The following TECPR2 variants were observed in gnomAD, a reference collection of about 807,000 sequenced individuals.
TECPR2 encodes tectonin beta-propeller repeat-containing protein 2.
A neutral mutation model predicts 138.1 loss-of-function variants in TECPR2; 65 were observed. The ratio of observed to expected loss-of-function variants is 0.47; its 90% CI spans 0.39 to 0.58. The LOEUF (loss-of-function observed/expected upper bound fraction) is 0.58. Among genes scored for constraint, TECPR2 ranks in the 20% least tolerant of loss-of-function variants. The pLI is 0.00. For synonymous variants in TECPR2, 746 were observed against 749.8 expected, an observed-to-expected ratio of 0.99 and a Z score of 0.08; for missense variants, 1,553 against 1,824.5, an observed-to-expected ratio of 0.85 and a Z score of 2.71.
chr14:102,486,123 A>C (rs1459521910), intron 17 of TECPR2, among the ~76,000 whole-genome samples: 1 of 152,104 alleles, frequency 6.6e-6, no homozygotes, highest in African/African-American at 2.4e-5. Context: ...CACACCTCAG[A>C]CCAGATGTAG....
At chr14:102,394,192 CCAAG>C (rs1228262990) in intron 2 of TECPR2, among the ~76,000 whole-genome samples, 2 of 152,148 alleles carry the variant, frequency 1.3e-5, no homozygotes, top group African/African-American at 2.4e-5. Flanking sequence ...TCCTCTATCG[CCAAG>C]TCCTTTGGGT....
At chr14:102,436,985 G>C in intron 9 of TECPR2, 1 of 985,414 alleles carries the variant, frequency 1.0e-6, no homozygotes, top group South Asian at 4.7e-5. Flanking sequence ...CTGGCCCTTT[G>C]AGCCCCTGAC....
At chr14:102,422,319 C>T (rs968686235) in intron 5 of TECPR2, among the ~76,000 whole-genome samples, 13 of 152,166 alleles carry the variant, frequency 8.5e-5, no homozygotes, top group Admixed American at 1.3e-4. Flanking sequence ...TTGGAAACTG[C>T]GACATTAGCA....
intron 2 of TECPR2, among the ~76,000 whole-genome samples, chr14:102,406,330 C>T (rs182057202): frequency 6.0e-4 from 92 of 152,080 alleles, no homozygotes; most frequent in Middle Eastern, 6.8e-3. Context: ...GGGCAGATCA[C>T]GAGGTCAGGA....
chr14:102,363,194 C>A (rs1887229749), intron 1 of TECPR2, 78 bp downstream of exon 1: 3 of 285,574 alleles, frequency 1.1e-5, no homozygotes, highest in Non-Finnish European at 1.3e-5. Context: ...TCCTCGGCCT[C>A]CCCCGGGCCA....
In TECPR2 at chr14:102,376,815, C is replaced by T. The variant is rs762041939; in HGVS notation, c.94C>T (p.Arg32Cys). The T allele has an allele frequency of 6.8e-6, 11 of 1,614,052 alleles. No homozygotes were observed. Among genetic ancestry groups the T allele is most frequent in the African/African-American group, 6.7e-5 (5 of 74,914 alleles). The change falls in exon 2 of 20, where the codon CGC becomes TGC. Residue 32 changes from arginine (R) to cysteine (C), a missense_variant. Transcript: ENST00000359520. Reference protein sequence around the residue: ...AIPTKIQKGFRSIVVYLTALD... With the variant: ...AIPTKIQKGFCSIVVYLTALD... ...TCCGACAAAGATCCAGAAGGGTTTC[C>T]GCTCTATCGTGGTCTATCTCACGGC...
chr14:102,438,232 C>G, intron 10 of TECPR2, 27 bp downstream of exon 10: 1 of 1,581,882 alleles, frequency 6.3e-7, no homozygotes, highest in Non-Finnish European at 8.5e-7. Context: ...CCTGCTCCCG[C>G]TCCCTGCTCC....
Position 102,432,006 on chromosome 14 carries a change from A to C in TECPR2, c.1295A>C (p.Glu432Ala), listed in dbSNP as rs1889507936. The change falls in exon 8 of 20, where the codon GAG becomes GCG. Residue 432 changes from glutamate (E) to alanine (A), a missense_variant. Physicochemically the swap from Glu to Ala is moderately radical, Grantham distance 107. Coordinates refer to ENST00000359520, the MANE Select transcript of TECPR2 (RefSeq NM_014844.5). The part of the protein sequence containing the change: ...LLPPGLQATP[E>A]LGKGSQPLSQ... Reference sequence around the variant, plus strand: ...CCCCCTGGGCTCCAGGCCACCCCTGAGCTGGGCAAGGGCAGCCAGCCCCTG... The same window carrying C: ...CCCCCTGGGCTCCAGGCCACCCCTGCGCTGGGCAAGGGCAGCCAGCCCCTG... The C allele has an allele frequency of 1.2e-6, 2 of 1,612,882 alleles. No individual in the cohort carries two copies. The highest frequency in any genetic ancestry group is 1.7e-6 in the Non-Finnish European group (2 of 1,179,926).
chr14:102,443,577 T>C lies in TECPR2; in HGVS notation c.2753-70T>C, dbSNP rs1889891449. The C allele has an allele frequency of 2.2e-6, 3 of 1,349,550 alleles. No homozygotes were observed. The highest frequency in any genetic ancestry group is 2.9e-6 in the Non-Finnish European group (3 of 1,034,030). 83.6% of individuals were successfully genotyped at this position (1,349,550 alleles called of 1,614,324 possible). On this transcript the variant is annotated intron_variant, in intron 11 of 19. Transcript: ENST00000359520. This position sits in a 1 kb window ranked among gnomAD's most constrained non-coding sequence, Gnocchi z 4.9. ...TACCAAAAAAGGAAAAATAAGCCAATAACCAAGTCAAAATGAGGTGTGGAG... is the reference window on the plus strand; with the variant it reads ...TACCAAAAAAGGAAAAATAAGCCAACAACCAAGTCAAAATGAGGTGTGGAG...
At chr14:102,414,472 G>A (rs78816529) in intron 4 of TECPR2, among the ~76,000 whole-genome samples, 164 bp from the exon 5 acceptor site, 6 of 152,336 alleles carry the variant, frequency 3.9e-5, no homozygotes, top group African/African-American at 7.2e-5. Flanking sequence ...AAATAATCTC[G>A]CTATGGTGGG....
At chr14:102,423,387 A>C (rs1309761454) in intron 5 of TECPR2, among the ~76,000 whole-genome samples, 2 of 152,092 alleles carry the variant, frequency 1.3e-5, no homozygotes, top group African/African-American at 4.8e-5. Flanking sequence ...CATTGAGCCC[A>C]GATTGCGCCA....
At chr14:102,410,306 C>T (rs1888793423) in intron 4 of TECPR2, among the ~76,000 whole-genome samples, 1 of 140,216 alleles carries the variant, frequency 7.1e-6, no homozygotes, top group Admixed American at 7.2e-5. Flanking sequence ...CTCAAGTAAT[C>T]AGGGACACAA....
At position 102,428,250 on chromosome 14, in the gene TECPR2, GC is replaced by G; in HGVS notation, c.954del (p.Thr319GlnfsTer24). On this transcript the variant is annotated frameshift_variant and splice_region_variant, in exon 7 of 20. Coordinates refer to ENST00000359520, the MANE Select transcript of TECPR2 (RefSeq NM_014844.5). LOFTEE classifies it high-confidence loss of function. ...TTTTTTTTTTTTTTTTTTTTGACAG[GC>G]CACAGTTGCTGGTTTGGAAGGATCC... ...SIYLLDTVNQ[A>X]TVAGLEGSGD... The G allele has an allele frequency of 6.9e-7, 1 of 1,445,760 alleles. No individual in the cohort carries two copies. 89.6% of individuals were successfully genotyped at this position (1,445,760 alleles called of 1,614,324 possible).
rs1888876042 is a variant in TECPR2, at chr14:102,411,729, A to AAAG, written c.481-2902_481-2900dup. 3.0e-5 allele frequency among the ~76,000 whole-genome samples: 4 copies of AAAG among 132,478 alleles called. No individual in the cohort carries two copies. In the East Asian group the frequency reaches 9.9e-4, roughly 33 times the overall value. 86.9% of individuals were successfully genotyped at this position (132,478 alleles called of 152,430 possible). A position where few individuals can be genotyped will look rare whatever the true frequency, so the allele number is the denominator to read the frequency against. ...AAAAAAAAAAAAAAAAAAAAAAAAAAAAGAAGATGGCTGGATTCTGCATTC... is the reference window on the plus strand; with the variant it reads ...AAAAAAAAAAAAAAAAAAAAAAAAAAAAGAAGAAGATGGCTGGATTCTGCATTC... On this transcript the variant is annotated intron_variant, in intron 4 of 19. Transcript: ENST00000359520.
At chr14:102,371,588 C>T (rs1456792231) in intron 1 of TECPR2, among the ~76,000 whole-genome samples, 1 of 152,200 alleles carries the variant, frequency 6.6e-6, no homozygotes, top group African/African-American at 2.4e-5. Flanking sequence ...CTATGGCTTA[C>T]GGGCCTCTAG....
At chr14:102,425,416 C>T (rs1889290998) in intron 6 of TECPR2, 125 bp downstream of exon 6, 3 of 993,514 alleles carry the variant, frequency 3.0e-6, no homozygotes, top group Non-Finnish European at 4.0e-6. Context: ...TTTACTTTTT[C>T]CTTTGGGCCA....
chr14:102,435,918 C>A (rs1407550692), intron 9 of TECPR2, among the ~76,000 whole-genome samples: 2 of 152,224 alleles, frequency 1.3e-5, no homozygotes, highest in African/African-American at 4.8e-5. Flanking sequence ...CTTGCCCTGT[C>A]TCCTACTAAC....
At chr14:102,422,190 C>G (rs529537179) in intron 5 of TECPR2, among the ~76,000 whole-genome samples, 49 of 152,294 alleles carry the variant, frequency 3.2e-4, no homozygotes, top group African/African-American at 1.2e-3. Context: ...CAGAAATGCT[C>G]ATAGCACAAT....
intron 2 of TECPR2, among the ~76,000 whole-genome samples, chr14:102,377,778 A>AT (rs1887680301): frequency 6.6e-6 from 1 of 152,138 alleles, no homozygotes; most frequent in Admixed American, 6.5e-5. Context: ...GAAAGCAGAT[A>AT]TTTTTTTCCT....
Sources: gnomAD v4.1 joint callset for allele counts (sites outside exome capture counted in the v4.1 genomes callset) on GRCh38, gnomAD v4.1.1 for gene constraint, Gnocchi (gnomAD v3.1) non-coding constraint, MANE v1.5 for transcripts, NCBI Gene and HGNC (gene_info 2026-07-23, HGNC 2026-07-21) for gene names.